The following SORCS1 variants were observed in gnomAD, a reference collection of about 807,000 sequenced individuals.
SORCS1 encodes VPS10 domain-containing receptor SorCS1.
A neutral mutation model predicts 146.1 loss-of-function variants in SORCS1; 60 were observed. That is an observed-to-expected ratio of 0.41 (90% CI 0.33 to 0.51). The LOEUF is 0.51. Ranked by LOEUF, SORCS1 falls within the 20% of genes least tolerant of loss-of-function variation. The probability of loss-of-function intolerance (pLI) is 0.21; values close to 1 mark genes in which losing one functional copy is unlikely to be tolerated. For synonymous variants in SORCS1, 637 were observed against 584.0 expected (o/e 1.09, Z -1.31); for missense variants, 1,352 against 1,487.6 (o/e 0.91, Z 1.50).
chr10:106,989,411 C>T (rs1186823892), intron 1 of SORCS1, among the ~76,000 whole-genome samples: 2 of 151,082 alleles, frequency 1.3e-5, no homozygotes, highest in Non-Finnish European at 2.9e-5. Flanking sequence ...GGGAACTTAA[C>T]TCTCACTCCT....
intron 5 of SORCS1, among the ~76,000 whole-genome samples, chr10:106,759,840 T>A (rs2136238718): frequency 6.6e-6 from 1 of 152,322 alleles, no homozygotes; most frequent in Admixed American, 6.5e-5. Flanking sequence ...GCATAAGATT[T>A]ACCTCCAATC....
chr10:106,771,841 CTT>C (rs1202349512), intron 4 of SORCS1, among the ~76,000 whole-genome samples: 2 of 152,190 alleles, frequency 1.3e-5, no homozygotes, highest in Admixed American at 6.5e-5. Flanking sequence ...GCTCCTATGT[CTT>C]TACTCGATAA....
At chr10:106,868,414 G>T (rs1950296484) in intron 2 of SORCS1, among the ~76,000 whole-genome samples, 1 of 152,070 alleles carries the variant, frequency 6.6e-6, no homozygotes, top group South Asian at 2.1e-4. Context: ...TCGTCATATG[G>T]TGCATAACTC....
intron 2 of SORCS1, among the ~76,000 whole-genome samples, chr10:106,913,379 C>T (rs986595058): frequency 2.7e-4 from 41 of 152,270 alleles, no homozygotes; most frequent in African/African-American, 9.4e-4. Flanking sequence ...CTGCAATACA[C>T]CAATTCTTCA....
intron 10 of SORCS1, among the ~76,000 whole-genome samples, chr10:106,682,885 C>A (rs140215786): frequency 1.2e-3 from 188 of 152,312 alleles, no homozygotes; most frequent in African/African-American, 3.8e-3. Flanking sequence ...CCAATGCCAG[C>A]AGCTGACCTA....
intron 20 of SORCS1, 96 bp downstream of exon 20, chr10:106,620,332 C>T (rs1210604281): frequency 1.5e-5 from 22 of 1,468,328 alleles, no homozygotes; most frequent in South Asian, 9.8e-5. Flanking sequence ...ACTGCTTCTA[C>T]ACTCTAGGGT....
rs142083060 is a variant in SORCS1, at chr10:106,592,716, G to A, written c.3265+4635C>T. Among the ~76,000 whole-genome samples, 54 of 151,412 alleles carry A rather than the reference G, an allele frequency of 3.6e-4. No individual in the cohort carries two copies. In the South Asian group the frequency reaches 5.5e-3, roughly 15 times the overall value. On this transcript the variant is annotated intron_variant, in intron 24 of 25. Coordinates refer to ENST00000263054, the MANE Select transcript of SORCS1 (RefSeq NM_052918.5). Reference sequence around the variant, plus strand: ...TTTCCCCTGCCTACAGGGGGGATGAGAGAAAGAGAAATAGAGTTGATGTGG... The same window carrying A: ...TTTCCCCTGCCTACAGGGGGGATGAAAGAAAGAGAAATAGAGTTGATGTGG...
chr10:106,723,636 G>A (rs1855937452), intron 6 of SORCS1, among the ~76,000 whole-genome samples: 1 of 152,194 alleles, frequency 6.6e-6, no homozygotes, highest in Non-Finnish European at 1.5e-5. Flanking sequence ...TGTCACAGAT[G>A]TAAACTACAA....
At chr10:107,008,146 G>A (rs532251491) in intron 1 of SORCS1, among the ~76,000 whole-genome samples, 4 of 152,102 alleles carry the variant, frequency 2.6e-5, no homozygotes, top group Non-Finnish European at 4.4e-5. Flanking sequence ...AACATCATAC[G>A]ATTCTTCATC....
At chr10:107,117,418 T>C (rs1264822238) in intron 1 of SORCS1, among the ~76,000 whole-genome samples, 1 of 152,196 alleles carries the variant, frequency 6.6e-6, no homozygotes, top group African/African-American at 2.4e-5. Context: ...CAGGGGATCA[T>C]TGCTTTGCTC....
intron 2 of SORCS1, among the ~76,000 whole-genome samples, chr10:106,882,872 G>A (rs1174618151): frequency 6.6e-6 from 1 of 152,150 alleles, no homozygotes; most frequent in Non-Finnish European, 1.5e-5. Context: ...GATGATTGTT[G>A]AGGTGGAACA....
chr10:106,696,783 C>A (rs1853737083), intron 9 of SORCS1, among the ~76,000 whole-genome samples: 1 of 152,224 alleles, frequency 6.6e-6, no homozygotes, highest in African/African-American at 2.4e-5. Flanking sequence ...ATTGCAAAGT[C>A]ATTCCTGTCT....
chr10:106,692,148 C>T (rs1290341885), intron 9 of SORCS1, among the ~76,000 whole-genome samples: 1 of 152,186 alleles, frequency 6.6e-6, no homozygotes, highest in Non-Finnish European at 1.5e-5. Flanking sequence ...CTCAAGCGAT[C>T]CTCCCACCTC....
chr10:106,929,966 G>T (rs1412411427), intron 2 of SORCS1, among the ~76,000 whole-genome samples: 1 of 152,190 alleles, frequency 6.6e-6, no homozygotes, highest in Non-Finnish European at 1.5e-5. Flanking sequence ...ATTAATGATG[G>T]CCGGGCGCAG....
chr10:106,903,491 T>G (rs1951799421), intron 2 of SORCS1, among the ~76,000 whole-genome samples: 1 of 152,228 alleles, frequency 6.6e-6, no homozygotes, highest in African/African-American at 2.4e-5. Flanking sequence ...TATTGTTACT[T>G]GGCTCTGTGT....
chr10:106,579,396 G>A lies in SORCS1; in HGVS notation c.3344C>T (p.Ala1115Val). Residue 1115 changes from alanine (A) to valine (V), a missense_variant, in exon 25 of 26, where the codon GCA becomes GTA. Transcript: ENST00000263054. ...TTTAAACTTGTAGATGACGAACACT[G>A]CCAGCCCCACAAACACCACTGAGAG... ...MLLSVVFVGL[A>V]VFVIYKFKRR... 1 of 1,613,960 alleles carries A rather than the reference G, an allele frequency of 6.2e-7. No individual in the cohort carries two copies. The highest frequency in any genetic ancestry group is 8.5e-7 in the Non-Finnish European group (1 of 1,179,984).
chr10:106,625,008 A>G (rs979319095), intron 19 of SORCS1, among the ~76,000 whole-genome samples: 49 of 152,232 alleles, frequency 3.2e-4, no homozygotes, highest in African/African-American at 1.2e-4. Context: ...ATGCGGCTCC[A>G]TCAGACAGGT....
At chr10:106,795,342 G>T (rs1215785243) in intron 3 of SORCS1, among the ~76,000 whole-genome samples, 1 of 152,062 alleles carries the variant, frequency 6.6e-6, no homozygotes, top group Non-Finnish European at 1.5e-5. Context: ...AAGGTTCTGA[G>T]AAACATACTT....
At chr10:107,178,803 T>C in the SORCS1 span, among the ~76,000 whole-genome samples, 1 of 152,010 alleles carries the variant, frequency 6.6e-6, no homozygotes, top group East Asian at 1.9e-4. Flanking sequence ...TCTTTTTTTA[T>C]GGCTGAATAG....
Sources: allele counts gnomAD v4.1 joint callset (sites outside exome capture counted in the v4.1 genomes callset), GRCh38; gene constraint gnomAD v4.1.1; transcripts MANE v1.5; gene names NCBI Gene and HGNC (gene_info 2026-07-23, HGNC 2026-07-21).